BCO1: variants seen among roughly 807,000 people sequenced by gnomAD.
BCO1 encodes beta,beta-carotene 15,15'-dioxygenase.
A neutral mutation model predicts 56.3 loss-of-function variants in BCO1; 54 were observed. The observed-to-expected ratio is 0.96, with a 90% CI of 0.77 to 1.20. The LOEUF is 1.20. BCO1 is among the 50% of genes most tolerant of loss of function. The pLI, the probability that BCO1 is intolerant of heterozygous loss-of-function variation, is 0.00. For missense variants in BCO1, 801 were observed against 690.9 expected (o/e 1.16, Z -1.79); for synonymous variants, 318 against 266.1 (o/e 1.20, Z -1.90).
At chr16:81,263,020 T>A (rs1906593165) in intron 4 of BCO1, 1 of 152,438 alleles carries the variant, frequency 6.6e-6, no homozygotes, top group Non-Finnish European at 1.5e-5. Context: ...ACCCCTGGTG[T>A]TCCTCAGCTT....
At chr16:81,245,345 GT>G (rs1905339626) in intron 1 of BCO1, 129 bp from the exon 2 acceptor site, 1 of 1,381,010 alleles carries the variant, frequency 7.2e-7, no homozygotes, top group Non-Finnish European at 1.0e-6. Flanking sequence ...GGAAATGACT[GT>G]AGAATAAACG....
chr16:81,286,740 C>T (rs978861806), intron 9 of BCO1, among the ~76,000 whole-genome samples: 1 of 151,978 alleles, frequency 6.6e-6, no homozygotes, highest in Non-Finnish European at 1.5e-5. Flanking sequence ...AGAATTCCTT[C>T]TACAGTATCA....
At chr16:81,242,668 G>A (rs1905187147) in intron 1 of BCO1, among the ~76,000 whole-genome samples, 1 of 152,048 alleles carries the variant, frequency 6.6e-6, no homozygotes, top group Admixed American at 6.6e-5. Flanking sequence ...GAATTTCCCA[G>A]TCCACAATCC....
At chr16:81,256,331 A>T in intron 2 of BCO1, among the ~76,000 whole-genome samples, 1 of 152,062 alleles carries the variant, frequency 6.6e-6, no homozygotes, top group East Asian at 1.9e-4. Context: ...TTTCTCCTCT[A>T]AGCCCATCCT....
chr16:81,270,340 A>G lies in BCO1; in HGVS notation c.1025A>G (p.Gln342Arg). The G allele has an allele frequency of 6.2e-7, 1 of 1,614,148 alleles. No homozygotes were observed. Among genetic ancestry groups the G allele is most frequent in the Admixed American group, 1.7e-5 (1 of 60,000 alleles). ...YQLFYLANLN[Q>R]DFKENSRLTS... is the part of the protein sequence containing the mutation. ...CTCTTCTACCTGGCCAACCTGAACC[A>G]GGACTTCAAGGAGAACTCCAGGCTC... is the stretch of plus-strand genomic sequence containing the variant. The change falls in exon 7 of 11, where the codon CAG (glutamine) becomes CGG (arginine). Residue 342 changes from glutamine to arginine, a missense_variant. Gln to Arg is a conservative substitution (Grantham distance 43, BLOSUM62 1). Transcript: ENST00000258168.
At chr16:81,244,581 G>A (rs1330550253) in intron 1 of BCO1, among the ~76,000 whole-genome samples, 4 of 151,968 alleles carry the variant, frequency 2.6e-5, no homozygotes, top group Non-Finnish European at 4.4e-5. Context: ...TTTGTGAGGC[G>A]AATACCTACT....
At chr16:81,280,005 G>A (rs919155483) in intron 7 of BCO1, among the ~76,000 whole-genome samples, 4 of 152,034 alleles carry the variant, frequency 2.6e-5, no homozygotes, top group African/African-American at 9.7e-5. Flanking sequence ...GCTCACGCCT[G>A]TAATCCCAGC....
At chr16:81,290,141 G>C (rs530053067) in intron 10 of BCO1, among the ~76,000 whole-genome samples, 73 of 152,308 alleles carry the variant, frequency 4.8e-4, no homozygotes, top group African/African-American at 1.8e-3. Context: ...GGGATTACAG[G>C]CGTGAGCCAC....
At chr16:81,266,572 C>G (rs539309821) in intron 5 of BCO1, among the ~76,000 whole-genome samples, 3 of 152,084 alleles carry the variant, frequency 2.0e-5, no homozygotes, top group Non-Finnish European at 2.9e-5. Context: ...AAATAGAACT[C>G]TCATTAATTA....
intron 1 of BCO1, 38 bp from the exon 2 acceptor site, chr16:81,245,437 G>T (rs779132921): frequency 6.2e-7 from 1 of 1,614,152 alleles, no homozygotes; most frequent in South Asian, 1.1e-5. Flanking sequence ...TTGGTTTGCA[G>T]GTGGAAACGG....
intron 4 of BCO1, chr16:81,262,949 T>C (rs1276090180): frequency 6.4e-6 from 1 of 156,176 alleles, no homozygotes; most frequent in Non-Finnish European, 1.4e-5. Flanking sequence ...CCATGCTCTC[T>C]CTGAAGACTC....
At chr16:81,279,691 G>A (rs558407473) in intron 7 of BCO1, among the ~76,000 whole-genome samples, 63 of 152,268 alleles carry the variant, frequency 4.1e-4, no homozygotes, top group Non-Finnish European at 7.9e-4. Context: ...AGGGAAACAG[G>A]GAGTAGTAGA....
intron 7 of BCO1, among the ~76,000 whole-genome samples, chr16:81,271,929 T>C (rs1003812514): frequency 1.3e-4 from 20 of 151,946 alleles, no homozygotes; most frequent in African/African-American, 4.8e-4. Context: ...GTATTTTTAG[T>C]AGAGGTGAAG....
At chr16:81,264,551 C>A (rs1367496909) in intron 4 of BCO1, 89 bp from the exon 5 acceptor site, 3 of 1,499,544 alleles carry the variant, frequency 2.0e-6, no homozygotes, top group Non-Finnish European at 2.8e-6. Context: ...GGACTTCAAC[C>A]TTTCTCCTTT....
chr16:81,286,286 T>C (rs911488568), intron 9 of BCO1, among the ~76,000 whole-genome samples: 4 of 152,308 alleles, frequency 2.6e-5, no homozygotes, highest in Admixed American at 1.3e-4. Flanking sequence ...GTCTTCATTT[T>C]TCATAATAAA....
chr16:81,244,851 C>T (rs983040560), intron 1 of BCO1, among the ~76,000 whole-genome samples: 1 of 151,738 alleles, frequency 6.6e-6, no homozygotes, highest in South Asian at 2.1e-4. Flanking sequence ...TCCCAAGCAG[C>T]TGGGACTACA....
rs117900405 is a variant in BCO1 at position 81,253,437 on chromosome 16, G to A, written c.194-6239G>A. Among the ~76,000 whole-genome samples, 1,121 of 152,326 alleles carry A rather than the reference G, an allele frequency of 7.4e-3. 7 individuals carry two copies. The highest frequency in any genetic ancestry group is 0.011 in the Non-Finnish European group (735 of 68,032). ...GACTGTTACCAAGGTCAAGTGCATG[G>A]TTGGTACATGATGAAGCCAGGATTC... On this transcript the variant is annotated intron_variant, in intron 2 of 10. Coordinates refer to ENST00000258168, the MANE Select transcript of BCO1 (RefSeq NM_017429.3).
chr16:81,256,796 G>C (rs183553991), intron 2 of BCO1, among the ~76,000 whole-genome samples: 2 of 152,062 alleles, frequency 1.3e-5, no homozygotes, highest in African/African-American at 4.8e-5. Context: ...GCTGAGGCAG[G>C]AGAATCGTTC....
chr16:81,271,863 C>T (rs901017800), intron 7 of BCO1, among the ~76,000 whole-genome samples: 2 of 151,852 alleles, frequency 1.3e-5, no homozygotes, highest in African/African-American at 4.8e-5. Flanking sequence ...AATTCTTGTG[C>T]CTCAGCCTCC....
Sources: allele counts gnomAD v4.1 joint callset (sites outside exome capture counted in the v4.1 genomes callset), GRCh38; gene constraint gnomAD v4.1.1; transcripts MANE v1.5; gene names NCBI Gene and HGNC (gene_info 2026-07-23, HGNC 2026-07-21).